The following CADPS2 variants were observed in gnomAD, a reference collection of about 807,000 sequenced individuals.
CADPS2 encodes calcium-dependent secretion activator 2.
CADPS2 carries 93 observed loss-of-function variants against 172.5 expected under a neutral mutation model. The observed-to-expected ratio is 0.54, with a 90% confidence interval of 0.46 to 0.64. The LOEUF (loss-of-function observed/expected upper bound fraction) is 0.64, where lower values mean the gene tolerates loss of function less well. CADPS2 is among the 30% of genes least tolerant of loss of function. The probability of loss-of-function intolerance (pLI) is 0.00; values close to 1 mark genes in which losing one functional copy is unlikely to be tolerated. For missense variants in CADPS2, 1,420 were observed against 1,565.9 expected (o/e 0.91, Z 1.57); for synonymous variants, 546 against 555.2 (o/e 0.98, Z 0.23).
intron 16 of CADPS2, 102 bp from the exon 17 acceptor site, chr7:122,438,566 C>T (rs2050956224): frequency 7.6e-7 from 1 of 1,314,474 alleles, no homozygotes; most frequent in South Asian, 1.3e-5. Context: ...AGACAAATTA[C>T]ACAAATTGTC....
chr7:122,790,217 G>A (rs1794986564), intron 1 of CADPS2, among the ~76,000 whole-genome samples: 1 of 151,506 alleles, frequency 6.6e-6, no homozygotes, highest in South Asian at 2.1e-4. Context: ...GGCAACAAAA[G>A]GAGTCCCTGT....
chr7:122,342,783 C>A (rs117076838), intron 28 of CADPS2, among the ~76,000 whole-genome samples: 2 of 152,162 alleles, frequency 1.3e-5, no homozygotes, highest in Non-Finnish European at 2.9e-5. Context: ...TTAACAAGAT[C>A]CATTTACTTA....
chr7:122,355,505 C>T (rs1381602704), intron 27 of CADPS2, among the ~76,000 whole-genome samples: 5 of 151,714 alleles, frequency 3.3e-5, no homozygotes, highest in African/African-American at 4.8e-5. Context: ...CACTTGAACC[C>T]GGGAGGTTGG....
At chr7:122,714,092 T>C (rs1166397082) in intron 2 of CADPS2, among the ~76,000 whole-genome samples, 1 of 152,080 alleles carries the variant, frequency 6.6e-6, no homozygotes, top group Non-Finnish European at 1.5e-5. Context: ...AAGAGGAGGT[T>C]ACCATGACAG....
chr7:122,779,419 C>T (rs1032202483), intron 1 of CADPS2, among the ~76,000 whole-genome samples: 4 of 152,068 alleles, frequency 2.6e-5, no homozygotes, highest in African/African-American at 9.7e-5. Flanking sequence ...GGGAACCAAG[C>T]CCAACCATAT....
At chr7:122,768,330 AAAGTCAT>A (rs1465585426) in intron 1 of CADPS2, among the ~76,000 whole-genome samples, 1 of 152,228 alleles carries the variant, frequency 6.6e-6, no homozygotes, top group Non-Finnish European at 1.5e-5. Flanking sequence ...AATATGCAAC[AAAGTCAT>A]ATATAAATCT....
At chr7:122,846,704 A>T (rs1430947971) in intron 1 of CADPS2, among the ~76,000 whole-genome samples, 1 of 152,220 alleles carries the variant, frequency 6.6e-6, no homozygotes, top group African/African-American at 2.4e-5. Flanking sequence ...GGCTGAGCAC[A>T]CAAAAATGAG....
chr7:122,661,306 A>G lies in CADPS2; in HGVS notation c.786+1931T>C, dbSNP rs371424866. ...GACAAAGCCACTGCTACAGTTGGAG[A>G]TCTGAATTGCAAGTAGGTTTCAAAT... On this transcript the variant is annotated intron_variant, in intron 3 of 29. Coordinates refer to ENST00000449022, the MANE Select transcript of CADPS2 (RefSeq NM_017954.11). Among the ~76,000 whole-genome samples, 264 of 152,292 alleles carry G rather than the reference A, an allele frequency of 1.7e-3. 1 individual carries two copies. Among genetic ancestry groups the G allele is most frequent in the Non-Finnish European group, 2.9e-3 (196 of 68,020 alleles).
intron 17 of CADPS2, among the ~76,000 whole-genome samples, chr7:122,422,348 A>G (rs752912436): frequency 5.3e-5 from 8 of 152,106 alleles, no homozygotes; most frequent in Non-Finnish European, 1.0e-4. Context: ...TGGAACCCCA[A>G]ATGTCAGCCA....
chr7:122,692,746 G>C (rs2084553320), intron 2 of CADPS2, among the ~76,000 whole-genome samples: 1 of 152,218 alleles, frequency 6.6e-6, no homozygotes, highest in South Asian at 2.1e-4. Flanking sequence ...TGGATGGACA[G>C]ATAGCTGAAA....
intron 28 of CADPS2, among the ~76,000 whole-genome samples, chr7:122,345,024 A>G (rs1308564403): frequency 2.0e-5 from 3 of 152,160 alleles, no homozygotes; most frequent in African/African-American, 7.2e-5. Context: ...AAGACAAAAA[A>G]CTGAAGATAT....
intron 1 of CADPS2, among the ~76,000 whole-genome samples, chr7:122,779,957 CT>C (rs1792249217): frequency 6.6e-6 from 1 of 152,116 alleles, no homozygotes; most frequent in Admixed American, 6.5e-5. Context: ...CTTATTCTCT[CT>C]GTTGCAGAAA....
chr7:122,680,216 C>T (rs1033703946), intron 2 of CADPS2, among the ~76,000 whole-genome samples: 1 of 152,214 alleles, frequency 6.6e-6, no homozygotes, highest in Non-Finnish European at 1.5e-5. Context: ...CTCGTTTAAA[C>T]AATCCCATTT....
At chr7:122,361,422 C>T (rs1029758801) in intron 25 of CADPS2, among the ~76,000 whole-genome samples, 4 of 151,620 alleles carry the variant, frequency 2.6e-5, no homozygotes, top group Non-Finnish European at 5.9e-5. Context: ...TTAGTAGAGA[C>T]GGGGTTTTAC....
intron 22 of CADPS2, among the ~76,000 whole-genome samples, chr7:122,389,225 T>C (rs2044072045): frequency 6.6e-6 from 1 of 152,022 alleles, no homozygotes; most frequent in African/African-American, 2.4e-5. Context: ...ATTTCTCAAT[T>C]ACAGGTAAAG....
intron 2 of CADPS2, among the ~76,000 whole-genome samples, chr7:122,682,319 T>C (rs1211719449): frequency 2.0e-5 from 3 of 152,146 alleles, no homozygotes; most frequent in Admixed American, 2.0e-4. Context: ...CTTCTACACG[T>C]AGCCACAAAG....
intron 13 of CADPS2, 50 bp from the exon 14 acceptor site, chr7:122,471,612 C>A (rs190550577): frequency 6.8e-7 from 1 of 1,469,232 alleles, no homozygotes; most frequent in Non-Finnish European, 9.1e-7. Flanking sequence ...TTCTATACTA[C>A]GATTTGCTTT....
intron 3 of CADPS2, among the ~76,000 whole-genome samples, chr7:122,654,212 T>TC (rs2079491971): frequency 1.3e-5 from 2 of 152,180 alleles, no homozygotes; most frequent in African/African-American, 4.8e-5. Flanking sequence ...AAATGCAAGG[T>TC]GAAGCAGCAA....
In CADPS2 at chr7:122,732,150, G is replaced by A. The variant is rs1398105408; in HGVS notation, c.453+4805C>T. Among the ~76,000 whole-genome samples the A allele has an allele frequency of 2.0e-5, 3 of 151,210 alleles. 1 individual carries two copies. The highest frequency in any genetic ancestry group is 1.5e-5 in the Non-Finnish European group (1 of 67,698). On this transcript the variant is annotated intron_variant, in intron 2 of 29. Transcript: ENST00000449022. ...AACACCACATAGAAATACCCAAAAAGATCTAATCCTGGAATAATCTAGCTG... is the reference window on the plus strand; with the variant it reads ...AACACCACATAGAAATACCCAAAAAAATCTAATCCTGGAATAATCTAGCTG...
Sources: gnomAD v4.1 joint callset for allele counts (sites outside exome capture counted in the v4.1 genomes callset) on GRCh38, gnomAD v4.1.1 for gene constraint, MANE v1.5 for transcripts, NCBI Gene and HGNC (gene_info 2026-07-23, HGNC 2026-07-21) for gene names.